The following CDH3 variants were observed in gnomAD, a reference collection of about 807,000 sequenced individuals.
The protein encoded by CDH3 is cadherin-3.
A neutral mutation model predicts 82.0 loss-of-function variants in CDH3; 54 were observed. That is an observed-to-expected ratio of 0.66 (90% CI 0.53 to 0.83). CDH3 has a LOEUF of 0.83. Ranked by LOEUF, CDH3 falls within the 40% of genes least tolerant of loss-of-function variation. CDH3 has a pLI of 0.00. For synonymous variants in CDH3, 446 were observed against 437.9 expected (o/e 1.02, Z -0.23); for missense variants, 1,054 against 1,084.6 (o/e 0.97, Z 0.40).
rs767087158 is a variant in CDH3, at chr16:68,676,370, T to C, written c.161-15T>C. 6.3e-7 allele frequency: 1 copy of C among 1,598,300 alleles called. No homozygotes were observed. The highest frequency in any genetic ancestry group is 1.3e-5 in the African/African-American group (1 of 74,618). On this transcript the variant is annotated splice_polypyrimidine_tract_variant and intron_variant, in intron 2 of 15. Transcript: ENST00000264012. ...CTCCTGCCTTCCTAATGCTCTCTCT[T>C]CCCCTTCCCCACAGTATTCATGGGC...
chr16:68,724,041 C>T (rs546492750), intron 2 of CDH3, among the ~76,000 whole-genome samples: 1 of 145,528 alleles, frequency 6.9e-6, no homozygotes, highest in Non-Finnish European at 1.5e-5. Context: ...TGCACTCCAG[C>T]CTGGGCGACA....
chr16:68,660,103 CTA>C (rs1382116006), intron 2 of CDH3, among the ~76,000 whole-genome samples: 1 of 151,892 alleles, frequency 6.6e-6, no homozygotes, highest in African/African-American at 2.4e-5. Flanking sequence ...AGCAATCTAA[CTA>C]TCAGTAATTG....
At chr16:68,670,775 T>C (rs1428425557) in intron 2 of CDH3, among the ~76,000 whole-genome samples, 1 of 152,196 alleles carries the variant, frequency 6.6e-6, no homozygotes, top group African/African-American at 2.4e-5. Context: ...AGCCCAGCTT[T>C]AAATAATACT....
At chr16:68,726,385 C>T (rs1395259488) in intron 2 of CDH3, among the ~76,000 whole-genome samples, 1 of 152,086 alleles carries the variant, frequency 6.6e-6, no homozygotes, top group Non-Finnish European at 1.5e-5. Flanking sequence ...CTTCTCTTGG[C>T]TGCCCCGGAG....
Position 68,699,755 on chromosome 16 carries a change from A to G in CDH3, c.*1355A>G, listed in dbSNP as rs1453729264. 2.0e-5 allele frequency: 3 copies of G among 152,032 alleles called. No individual in the cohort carries two copies. The highest frequency in any genetic ancestry group is 4.4e-5 in the Non-Finnish European group (3 of 68,010). The allele number at this position is 152,032 out of a possible 1,614,324, so 9.4% of individuals were successfully genotyped here. On this transcript the variant is annotated 3_prime_UTR_variant, in exon 16 of 16. Coordinates refer to ENST00000264012, the MANE Select transcript of CDH3 (RefSeq NM_001793.6). ...GTGATCCGCCCACGTCGGCCTCCCAAAGTGCTAGGATTACAGGCTTGAGCC... is the reference window on the plus strand; with the variant it reads ...GTGATCCGCCCACGTCGGCCTCCCAGAGTGCTAGGATTACAGGCTTGAGCC...
intron 2 of CDH3, among the ~76,000 whole-genome samples, chr16:68,671,559 T>C (rs1960883975): frequency 6.8e-6 from 1 of 148,138 alleles, no homozygotes; most frequent in South Asian, 2.2e-4. Flanking sequence ...TCTTGCTCTG[T>C]TGTCCAGGCT....
intron 2 of CDH3, among the ~76,000 whole-genome samples, chr16:68,653,078 T>C (rs2152090421): frequency 6.6e-6 from 1 of 152,248 alleles, no homozygotes; most frequent in African/African-American, 2.4e-5. Flanking sequence ...GACTGAGATA[T>C]CAGCTCCTCT....
At chr16:68,726,173 C>T (rs1010051901) in intron 2 of CDH3, among the ~76,000 whole-genome samples, 2 of 152,200 alleles carry the variant, frequency 1.3e-5, no homozygotes, top group African/African-American at 4.8e-5. Flanking sequence ...CCTGCCTCTG[C>T]CATGAAACTG....
At chr16:68,646,058 C>A in intron 2 of CDH3, 1 of 428,120 alleles carries the variant, frequency 2.3e-6, no homozygotes, top group Admixed American at 3.9e-5. Context: ...CCCGCTGGCC[C>A]CAGCAGAGGA....
At chr16:68,678,678 C>T in intron 5 of CDH3, 22 bp downstream of exon 5, 7 of 1,614,180 alleles carry the variant, frequency 4.3e-6, no homozygotes, top group Non-Finnish European at 5.9e-6. Flanking sequence ...TTAGTGTCTA[C>T]TGTAAATGTC....
downstream of CDH3, among the ~76,000 whole-genome samples, chr16:68,702,693 C>T (rs868055578): frequency 2.0e-5 from 3 of 151,924 alleles, no homozygotes; most frequent in South Asian, 2.1e-4. Context: ...GGTGAAACCC[C>T]GTCTCTACTA....
intron 2 of CDH3, among the ~76,000 whole-genome samples, chr16:68,647,446 T>A (rs755300577): frequency 7.9e-5 from 12 of 152,142 alleles, no homozygotes; most frequent in Non-Finnish European, 1.5e-4. Flanking sequence ...TTGGCGAGTG[T>A]TTCCCAATGA....
intron 1 of CDH3, among the ~76,000 whole-genome samples, chr16:68,713,743 G>A (rs887227540): frequency 3.9e-5 from 6 of 151,940 alleles, no homozygotes; most frequent in African/African-American, 1.5e-4. Context: ...TATAGCCCTG[G>A]CTCCTGCCCA....
intron 1 of CDH3, among the ~76,000 whole-genome samples, chr16:68,719,134 T>G (rs1419681799): frequency 6.6e-6 from 1 of 150,802 alleles, no homozygotes; most frequent in Non-Finnish European, 1.5e-5. Context: ...CCCAGCTACT[T>G]GGGAGGCTGA....
At chr16:68,680,504 C>A (rs932359172) in intron 7 of CDH3, among the ~76,000 whole-genome samples, 8 of 152,110 alleles carry the variant, frequency 5.3e-5, no homozygotes, top group African/African-American at 1.9e-4. Context: ...CATGGTGAAA[C>A]CCTGTCTCTA....
Position 68,698,236 on chromosome 16 carries a change from AC to A in CDH3, c.2329del (p.Leu777SerfsTer16). 6.2e-7 allele frequency: 1 copy of A among 1,613,590 alleles called. No homozygotes were observed. Among genetic ancestry groups the A allele is most frequent in the Non-Finnish European group, 8.5e-7 (1 of 1,179,890 alleles). ...NTDPTAPPYD[T>X]LLVFDYEGSG... ...AGACCCCACAGCCCCGCCCTACGAC[AC>A]CCTCTTGGTGTTCGACTATGAGGGC... On this transcript the variant is annotated frameshift_variant, in exon 16 of 16. Transcript: ENST00000264012. LOFTEE classifies it high-confidence loss of function.
At chr16:68,665,405 AAAT>A (rs1465186146) in intron 2 of CDH3, among the ~76,000 whole-genome samples, 1 of 152,166 alleles carries the variant, frequency 6.6e-6, no homozygotes, top group African/African-American at 2.4e-5. Flanking sequence ...CTGTCTCAAA[AAAT>A]AATAAATAAA....
At chr16:68,669,131 T>C (rs1960818940) in intron 2 of CDH3, among the ~76,000 whole-genome samples, 1 of 152,240 alleles carries the variant, frequency 6.6e-6, no homozygotes, top group African/African-American at 2.4e-5. Context: ...TCTTGCTGCT[T>C]CCTGGGGCAG....
At chr16:68,706,570 T>TTTTTGGAA (rs1961967226) in intron 1 of CDH3, among the ~76,000 whole-genome samples, 1 of 135,938 alleles carries the variant, frequency 7.4e-6, no homozygotes, top group Non-Finnish European at 1.6e-5. Flanking sequence ...TTTTTTTTTT[T>TTTTTGGAA]GAGACAGAGT....
Sources: gnomAD v4.1 joint callset for allele counts (sites outside exome capture counted in the v4.1 genomes callset) on GRCh38, gnomAD v4.1.1 for gene constraint, MANE v1.5 for transcripts, NCBI Gene and HGNC (gene_info 2026-07-23, HGNC 2026-07-21) for gene names.